Variants in RSPH10B2 observed in about 807,000 individuals in gnomAD.
RSPH10B2 encodes radial spoke head 10 homolog B2 (Chlamydomonas).
In RSPH10B2, 9 loss-of-function variants were observed where a neutral mutation model predicts 49.0. The ratio of observed to expected loss-of-function variants is 0.18; its 90% CI spans 0.11 to 0.32. The LOEUF (loss-of-function observed/expected upper bound fraction) is 0.32, where lower values mean the gene tolerates loss of function less well. Ranked by LOEUF, RSPH10B2 falls within the 10% of genes least tolerant of loss-of-function variation. The pLI, the probability that RSPH10B2 is intolerant of heterozygous loss-of-function variation, is 1.00. For missense variants in RSPH10B2, 95 were observed against 589.9 expected, an observed-to-expected ratio of 0.16 and a Z score of 8.69; for synonymous variants, 35 against 210.2, an observed-to-expected ratio of 0.17 and a Z score of 7.21.
rs771431701 is a variant in RSPH10B2, at chr7:6,758,909, T to C, written c.255-175T>C. Among the ~76,000 whole-genome samples, 424 of 136,302 alleles carry C rather than the reference T, an allele frequency of 3.1e-3. 7 individuals are homozygous for C. The highest frequency in any genetic ancestry group is 6.3e-3 in the Admixed American group (81 of 12,930). 89.4% of individuals were successfully genotyped at this position (136,302 alleles called of 152,430 possible). A position where few individuals can be genotyped will look rare whatever the true frequency, so the allele number is the denominator to read the frequency against. On this transcript the variant is annotated intron_variant, in intron 1 of 18. Coordinates refer to ENST00000297186, the Ensembl canonical transcript of RSPH10B2. ...GAAATGCCTTCATTCCTCACCCTAC[T>C]TTCAAACCCCTGGTAACCTCTTCTA...
Position 6,764,434 on chromosome 7 carries a change from C to T in RSPH10B2, c.573+333C>T, listed in dbSNP as rs1269587713. Among the ~76,000 whole-genome samples, 149 of 151,026 alleles carry T rather than the reference C, an allele frequency of 9.9e-4. No homozygotes were observed. The Middle Eastern group carries it at 0.014, about 14-fold the overall frequency. On this transcript the variant is annotated intron_variant, in intron 4 of 18. Coordinates refer to ENST00000297186, the Ensembl canonical transcript of RSPH10B2. ...GGAGTGCAATGGTGCCATCTCAGCTCACTGCAACCTCTGCCTCCCGGGTTC... is the reference window on the plus strand; with the variant it reads ...GGAGTGCAATGGTGCCATCTCAGCTTACTGCAACCTCTGCCTCCCGGGTTC...
At chr7:6,764,309 T>C (rs1296729329) in intron 4 of RSPH10B2, among the ~76,000 whole-genome samples, 1 of 148,764 alleles carries the variant, frequency 6.7e-6, no homozygotes, top group African/African-American at 2.5e-5. Context: ...CCAGGGCATA[T>C]TCACTTTTTG....
chr7:6,764,670 T>G (rs1277366479), intron 4 of RSPH10B2, among the ~76,000 whole-genome samples: 3 of 152,084 alleles, frequency 2.0e-5, no homozygotes, highest in South Asian at 2.1e-4. Context: ...GCCGTATGCA[T>G]GCTTTAATAG....
In RSPH10B2 at chr7:6,769,746, G is replaced by A. The variant is rs530595438; in HGVS notation, c.957+980G>A. Among the ~76,000 whole-genome samples the A allele has an allele frequency of 9.0e-4, 98 of 108,534 alleles. No individual in the cohort carries two copies. The East Asian group carries it at 0.019, about 21-fold the overall frequency. 71.2% of individuals were successfully genotyped at this position (108,534 alleles called of 152,430 possible). A position where few individuals can be genotyped will look rare whatever the true frequency, so the allele number is the denominator to read the frequency against. ...TGGGATTACAGGTGTGCGCCACCACGCCCGGCTCTTTTTTTTTTTTTTTTT... is the reference window on the plus strand; with the variant it reads ...TGGGATTACAGGTGTGCGCCACCACACCCGGCTCTTTTTTTTTTTTTTTTT... On this transcript the variant is annotated intron_variant, in intron 7 of 18. Transcript: ENST00000297186.
Position 6,780,259 on chromosome 7 carries a change from A to G in RSPH10B2, c.1529+535A>G, listed in dbSNP as rs1331693434. ...CATATCTGGTCAGTTCAATACTGCA[A>G]ATATCTCTCGGGGTTTCTAATGCAG... is the stretch of plus-strand genomic sequence containing the variant. On this transcript the variant is annotated intron_variant, in intron 11 of 18. Transcript: ENST00000297186. 1.1e-4 allele frequency among the ~76,000 whole-genome samples: 14 copies of G among 123,774 alleles called. 1 individual carries two copies. The highest frequency in any genetic ancestry group is 2.2e-4 in the Non-Finnish European group (13 of 57,974). 81.2% of individuals were successfully genotyped at this position (123,774 alleles called of 152,430 possible). A position where few individuals can be genotyped will look rare whatever the true frequency, so the allele number is the denominator to read the frequency against.
chr7:6,791,820 TAATTA>T (rs1157601664), intron 16 of RSPH10B2, 79 bp from the exon 19 acceptor site: 3 of 182,070 alleles, frequency 1.6e-5, no homozygotes, highest in African/African-American at 9.1e-5. Flanking sequence ...ATTTTCTAAT[TAATTA>T]AAGTATAAAA....
chr7:6,797,836 C>T (rs1002763025), intron 18 of RSPH10B2, among the ~76,000 whole-genome samples: 1 of 94,806 alleles, frequency 1.1e-5, no homozygotes. Flanking sequence ...CTGGGCAACA[C>T]AGTAAGACCC....
chr7:6,756,137 G>A (rs1370076217), upstream of RSPH10B2, among the ~76,000 whole-genome samples: 13 of 147,336 alleles, frequency 8.8e-5, no homozygotes, highest in Admixed American at 7.4e-4. Flanking sequence ...AGGTGTGGTG[G>A]TGGGTGCCTG....
intron 18 of RSPH10B2, among the ~76,000 whole-genome samples, chr7:6,797,390 G>A (rs1782624602): frequency 6.6e-6 from 1 of 152,028 alleles, no homozygotes; most frequent in African/African-American, 2.4e-5. Context: ...GGTAGCCAGG[G>A]GAGGGGCCCT....
chr7:6,791,105 C>T (rs1782301022), intron 16 of RSPH10B2, among the ~76,000 whole-genome samples: 1 of 138,452 alleles, frequency 7.2e-6, no homozygotes, highest in Non-Finnish European at 1.5e-5. Context: ...GGGTTCACGC[C>T]ATTCTCCTGC....
rs1583521488 is a variant in RSPH10B2, at chr7:6,782,893, C to A, written c.1758+1417C>A. On this transcript the variant is annotated intron_variant, in intron 13 of 18. Coordinates refer to ENST00000297186, the Ensembl canonical transcript of RSPH10B2. ...AGCAGAACTCTGTCTCAAAAAAAAA[C>A]TAAGGAAGTGGGGAGGATGGATATC... Among the ~76,000 whole-genome samples the A allele has an allele frequency of 1.6e-5, 2 of 122,502 alleles. 1 individual carries two copies. Among genetic ancestry groups the A allele is most frequent in the South Asian group, 6.8e-4 (2 of 2,954 alleles). The allele number at this position is 122,502 out of a possible 152,430, so 80.4% of individuals were successfully genotyped here.
upstream of RSPH10B2, among the ~76,000 whole-genome samples, chr7:6,756,372 G>T (rs1220091988): frequency 9.5e-6 from 1 of 105,650 alleles, no homozygotes; most frequent in Non-Finnish European, 1.8e-5. Context: ...TGACCTATAA[G>T]GAGAGGGGCT....
At chr7:6,795,932 TAAAAA>T (rs201650381) in intron 17 of RSPH10B2, among the ~76,000 whole-genome samples, 1 of 139,346 alleles carries the variant, frequency 7.2e-6, no homozygotes, top group Non-Finnish European at 1.6e-5. Context: ...AGCTTGTCTT[TAAAAA>T]AAAAAAGAAA....
At chr7:6,791,233 A>T (rs1165425904) in intron 16 of RSPH10B2, among the ~76,000 whole-genome samples, 1 of 115,676 alleles carries the variant, frequency 8.6e-6, no homozygotes, top group African/African-American at 3.7e-5. Context: ...CGATCTCCTG[A>T]CCTTGTGATC....
upstream of RSPH10B2, among the ~76,000 whole-genome samples, chr7:6,752,345 C>A (rs2115384889): frequency 7.4e-6 from 1 of 135,390 alleles, no homozygotes; most frequent in South Asian, 2.6e-4. Flanking sequence ...TTGAATGGTT[C>A]TGGGAATATA....
At chr7:6,795,521 C>G (rs974832049) in intron 17 of RSPH10B2, among the ~76,000 whole-genome samples, 2 of 103,796 alleles carry the variant, frequency 1.9e-5, no homozygotes, top group African/African-American at 7.1e-5. Flanking sequence ...GCCTGTAATC[C>G]CAGCACTTTG....
intron 11 of RSPH10B2, among the ~76,000 whole-genome samples, chr7:6,780,506 C>G (rs1219673419): frequency 9.1e-6 from 1 of 110,182 alleles, no homozygotes; most frequent in Non-Finnish European, 1.9e-5. Flanking sequence ...GCCTCAGCCT[C>G]CCAAGTAGCT....
intron 13 of RSPH10B2, among the ~76,000 whole-genome samples, chr7:6,781,855 C>T (rs190000031): frequency 4.8e-5 from 5 of 104,004 alleles, no homozygotes; most frequent in African/African-American, 1.5e-4. Flanking sequence ...ATGCCATGGG[C>T]CATTGTCTTA....
chr7:6,761,920 CGTT>C (rs1781286233), intron 3 of RSPH10B2, among the ~76,000 whole-genome samples: 1 of 108,854 alleles, frequency 9.2e-6, no homozygotes. Flanking sequence ...CCCTGTGCCT[CGTT>C]GTCTCGGGAA....
Sources: allele counts gnomAD v4.1 joint callset (sites outside exome capture counted in the v4.1 genomes callset), GRCh38; gene constraint gnomAD v4.1.1; transcripts MANE v1.5; gene names NCBI Gene and HGNC (gene_info 2026-07-23, HGNC 2026-07-21).